The following ARHGEF10L variants were observed in gnomAD, a reference collection of about 807,000 sequenced individuals.
ARHGEF10L encodes Rho guanine nucleotide exchange factor 10 like, also known as rho guanine nucleotide exchange factor 10-like protein.
In ARHGEF10L, 69 loss-of-function variants were observed where a neutral mutation model predicts 141.2. That is an observed-to-expected ratio of 0.49 (90% CI 0.40 to 0.60). The LOEUF (loss-of-function observed/expected upper bound fraction) is 0.60. Ranked by LOEUF, ARHGEF10L falls within the 20% of genes least tolerant of loss-of-function variation. The pLI is 0.00. For synonymous variants in ARHGEF10L, 711 were observed against 718.5 expected, an observed-to-expected ratio of 0.99 and a Z score of 0.17; for missense variants, 1,482 against 1,734.3, an observed-to-expected ratio of 0.85 and a Z score of 2.58.
chr1:17,676,400 A>G (rs1472741380), intron 26 of ARHGEF10L, among the ~76,000 whole-genome samples: 1 of 143,678 alleles, frequency 7.0e-6, no homozygotes, highest in African/African-American at 2.6e-5. Context: ...GTGTGGGTAC[A>G]GGTGTATGTT....
At chr1:17,670,843 C>T (rs1322602109) in intron 26 of ARHGEF10L, among the ~76,000 whole-genome samples, 1 of 152,242 alleles carries the variant, frequency 6.6e-6, no homozygotes, top group Non-Finnish European at 1.5e-5. Context: ...TTCCCACCAC[C>T]AGGCCTTCAC....
In ARHGEF10L at chr1:17,687,659, C is replaced by T. The variant is rs112508108; in HGVS notation, c.3096C>T (p.Ser1032=). 5.6e-3 allele frequency: 8,964 copies of T among 1,612,526 alleles called. 201 individuals carry two copies. In the Admixed American group the frequency reaches 0.063, roughly 11 times the overall value. Residue 1032 remains serine, a synonymous_variant, in exon 27 of 29, where the codon TCC becomes TCT. Coordinates refer to ENST00000361221, the MANE Select transcript of ARHGEF10L (RefSeq NM_018125.4). ...AGSGVWMAFS[S]GTSIRLFHTE... is the part of the protein sequence containing the mutation. ...GCGGCGTCTGGATGGCCTTCTCCTC[C>T]GGCACCTCCATCCGCCTCTTCCACA...
At chr1:17,525,176 A>G in the ARHGEF10L span, among the ~76,000 whole-genome samples, 2 of 152,134 alleles carry the variant, frequency 1.3e-5, no homozygotes, top group Non-Finnish European at 2.9e-5. Context: ...ATACCCCAGC[A>G]TGGGGAGGGA....
At chr1:17,585,060 A>G (rs1015426097) in intron 2 of ARHGEF10L, among the ~76,000 whole-genome samples, 1 of 152,228 alleles carries the variant, frequency 6.6e-6, no homozygotes, top group Non-Finnish European at 1.5e-5. Flanking sequence ...GATTTTATTA[A>G]TATTAGAATA....
In ARHGEF10L at chr1:17,673,908, C is replaced by T. The variant is rs910417493; in HGVS notation, c.3009+9313C>T. Among the ~76,000 whole-genome samples, 3 of 152,174 alleles carry T rather than the reference C, an allele frequency of 2.0e-5. No individual in the cohort carries two copies. The highest frequency in any genetic ancestry group is 6.5e-5 in the Admixed American group (1 of 15,282). On this transcript the variant is annotated intron_variant, in intron 26 of 28. Coordinates refer to ENST00000361221, the MANE Select transcript of ARHGEF10L (RefSeq NM_018125.4). This position sits in a 1 kb window ranked among gnomAD's most constrained non-coding sequence, Gnocchi z 4.1. ...TGTCATTGTGGTCACAGGACTTGCT[C>T]AGGGTGACTGGGACCACACACTCGT...
chr1:17,584,657 C>T (rs903411926), intron 2 of ARHGEF10L, among the ~76,000 whole-genome samples: 4 of 152,108 alleles, frequency 2.6e-5, no homozygotes, highest in Non-Finnish European at 5.9e-5. Flanking sequence ...AGAGATGATG[C>T]GCAGTAAAGA....
rs566322282 is a variant in ARHGEF10L at position 17,628,499 on chromosome 1, G to A, written c.1584+996G>A. Among the ~76,000 whole-genome samples the A allele has an allele frequency of 2.6e-5, 4 of 152,248 alleles. No homozygotes were observed. The South Asian group carries it at 6.2e-4, about 24-fold the overall frequency. On this transcript the variant is annotated intron_variant, in intron 15 of 28. Coordinates refer to ENST00000361221, the MANE Select transcript of ARHGEF10L (RefSeq NM_018125.4). ...CCTGGCTCTGTGCTGGGGTCTCTGG[G>A]AGGTCCCACACCCCAGCCCCCCTGT...
chr1:17,660,647 G>T (rs1031503897), intron 25 of ARHGEF10L, among the ~76,000 whole-genome samples: 3 of 152,236 alleles, frequency 2.0e-5, no homozygotes, highest in Admixed American at 2.0e-4. Flanking sequence ...AGACCCAGGG[G>T]CTTTCTCCAC....
chr1:17,665,737 C>T (rs1039953013), intron 26 of ARHGEF10L, among the ~76,000 whole-genome samples: 4 of 152,148 alleles, frequency 2.6e-5, no homozygotes, highest in East Asian at 1.9e-4. Context: ...ACCAATGGAA[C>T]GTATGTGAGT....
In ARHGEF10L at chr1:17,640,194, C is replaced by A. The variant is rs747071782; in HGVS notation, c.2172-8C>A. The A allele has an allele frequency of 6.2e-7, 1 of 1,608,396 alleles. No individual in the cohort carries two copies. Among genetic ancestry groups the A allele is most frequent in the East Asian group, 2.2e-5 (1 of 44,870 alleles). On this transcript the variant is annotated splice_polypyrimidine_tract_variant and splice_region_variant and intron_variant, in intron 20 of 28. Transcript: ENST00000361221. ...CTCACACATCCACTCTAACCCTTCTCACCACAGGTCCGGCCGCCCCATTAG... is the reference window on the plus strand; with the variant it reads ...CTCACACATCCACTCTAACCCTTCTAACCACAGGTCCGGCCGCCCCATTAG...
At chr1:17,579,348 T>C (rs182671773) in intron 1 of ARHGEF10L, among the ~76,000 whole-genome samples, 1 of 152,272 alleles carries the variant, frequency 6.6e-6, no homozygotes, top group Non-Finnish European at 1.5e-5. Context: ...TGTCTACCTG[T>C]TGTATCGTTT....
At chr1:17,649,018 G>A (rs183487378) in intron 22 of ARHGEF10L, among the ~76,000 whole-genome samples, 31 of 152,330 alleles carry the variant, frequency 2.0e-4, no homozygotes, top group African/African-American at 7.5e-4. Context: ...TTTGTGGTTC[G>A]CCAGGCGGGA....
intron 4 of ARHGEF10L, among the ~76,000 whole-genome samples, chr1:17,600,125 G>A (rs955514877): frequency 1.3e-5 from 2 of 152,226 alleles, no homozygotes. Context: ...TCTTGGGCAG[G>A]TTCTTCTACT....
At chr1:17,583,669 C>T (rs951129860) in intron 2 of ARHGEF10L, among the ~76,000 whole-genome samples, 2 of 152,144 alleles carry the variant, frequency 1.3e-5, no homozygotes, top group African/African-American at 4.8e-5. Flanking sequence ...ACCTTAGTCA[C>T]TGCAGTGACA....
At position 17,697,719 on chromosome 1, in the gene ARHGEF10L, T is replaced by TGTGTGC. The variant is rs146002173; in HGVS notation, c.*345_*350dup. ...CAGCCACACGCCCCTCCTGGAAGGG[T>TGTGTGC]GTGTGCGTGTGAGTGTGTGCGAGTG... On this transcript the variant is annotated 3_prime_UTR_variant, in exon 29 of 29. Transcript: ENST00000361221. This position sits in a 1 kb window ranked among gnomAD's most constrained non-coding sequence, Gnocchi z 4.8. 3.5e-4 allele frequency: 177 copies of TGTGTGC among 511,872 alleles called. No individual in the cohort carries two copies. Among genetic ancestry groups the TGTGTGC allele is most frequent in the Non-Finnish European group, 6.2e-4 (163 of 264,224 alleles). The allele number at this position is 511,872 out of a possible 1,614,324, so 31.7% of individuals were successfully genotyped here.
At chr1:17,612,210 T>A (rs1325072936) in intron 7 of ARHGEF10L, among the ~76,000 whole-genome samples, 1 of 152,208 alleles carries the variant, frequency 6.6e-6, no homozygotes, top group East Asian at 1.9e-4. Context: ...TTTGGTAGCT[T>A]GGAATTGGTG....
chr1:17,643,372 G>T (rs1223539706), intron 21 of ARHGEF10L, among the ~76,000 whole-genome samples: 1 of 152,136 alleles, frequency 6.6e-6, no homozygotes, highest in Non-Finnish European at 1.5e-5. Flanking sequence ...CCTTGGAAGG[G>T]CAGGGAGCCC....
chr1:17,674,392 T>C (rs1361356170), intron 26 of ARHGEF10L, among the ~76,000 whole-genome samples: 1 of 152,160 alleles, frequency 6.6e-6, no homozygotes, highest in Non-Finnish European at 1.5e-5. Context: ...ACCAGCCCAG[T>C]GACAGCACAG....
chr1:17,570,966 A>G (rs756961742), intron 1 of ARHGEF10L, among the ~76,000 whole-genome samples: 8 of 152,104 alleles, frequency 5.3e-5, no homozygotes, highest in Non-Finnish European at 1.2e-4. Flanking sequence ...TTCTGGCAGC[A>G]TGGTGATCAG....
Sources: allele counts gnomAD v4.1 joint callset (sites outside exome capture counted in the v4.1 genomes callset), GRCh38; gene constraint gnomAD v4.1.1; non-coding constraint Gnocchi (gnomAD v3.1); transcripts MANE v1.5; gene names NCBI Gene and HGNC (gene_info 2026-07-23, HGNC 2026-07-21).